Variants in TAFA1 observed in about 807,000 individuals in gnomAD.
TAFA1 encodes the protein chemokine-like protein TAFA-1.
Under a neutral mutation model 18.5 loss-of-function variants are expected in TAFA1, and 4 were observed. The ratio of observed to expected loss-of-function variants is 0.22; its 90% CI spans 0.11 to 0.49. TAFA1 has a LOEUF of 0.49. TAFA1 is among the 20% of genes least tolerant of loss of function. TAFA1 has a pLI of 0.98. For synonymous variants in TAFA1, 56 were observed against 55.2 expected, an observed-to-expected ratio of 1.01 and a Z score of -0.06; for missense variants, 147 against 169.0, an observed-to-expected ratio of 0.87 and a Z score of 0.72.
intron 2 of TAFA1, among the ~76,000 whole-genome samples, chr3:68,157,011 A>G (rs1223430084): frequency 6.6e-6 from 1 of 152,124 alleles, no homozygotes; most frequent in African/African-American, 2.4e-5. Context: ...GTTCTTTCTG[A>G]CAATATTAAC....
intron 2 of TAFA1, among the ~76,000 whole-genome samples, chr3:68,143,716 C>A (rs897498381): frequency 1.3e-5 from 2 of 152,132 alleles, no homozygotes; most frequent in Non-Finnish European, 2.9e-5. Flanking sequence ...TGAGCCAAAC[C>A]AAGAGTAACA....
At chr3:68,185,380 G>A (rs1265440995) in intron 2 of TAFA1, among the ~76,000 whole-genome samples, 1 of 152,054 alleles carries the variant, frequency 6.6e-6, no homozygotes, top group Non-Finnish European at 1.5e-5. Flanking sequence ...TATGTAAGGA[G>A]GTAGAAGGGA....
chr3:68,216,617 A>G (rs1165006114), intron 2 of TAFA1, among the ~76,000 whole-genome samples: 1 of 152,102 alleles, frequency 6.6e-6, no homozygotes, highest in African/African-American at 2.4e-5. Context: ...TGCCCAGATC[A>G]TAGTTTCCAA....
chr3:68,206,733 A>G (rs1272136130), intron 2 of TAFA1, among the ~76,000 whole-genome samples: 1 of 151,964 alleles, frequency 6.6e-6, no homozygotes, highest in Non-Finnish European at 1.5e-5. Context: ...TTCACATTCT[A>G]TCATCTTAAT....
intron 2 of TAFA1, among the ~76,000 whole-genome samples, chr3:68,364,717 T>C (rs1006337542): frequency 2.0e-5 from 3 of 152,168 alleles, no homozygotes; most frequent in Admixed American, 6.5e-5. Flanking sequence ...ACTGAAATAA[T>C]TAACATAACT....
intron 2 of TAFA1, among the ~76,000 whole-genome samples, chr3:68,376,901 G>A (rs1237314987): frequency 6.6e-6 from 1 of 152,110 alleles, no homozygotes; most frequent in African/African-American, 2.4e-5. Context: ...TAGTGAGTGA[G>A]TTCTCATGAG....
In TAFA1 at chr3:68,438,797, G is replaced by A. The variant is rs115987570; in HGVS notation, c.259+21377G>A. 9.9e-3 allele frequency among the ~76,000 whole-genome samples: 1,500 copies of A among 152,216 alleles called. 34 individuals are homozygous for A. The highest frequency in any genetic ancestry group is 0.035 in the African/African-American group (1,440 of 41,566). On this transcript the variant is annotated intron_variant, in intron 3 of 4. Transcript: ENST00000478136. ...TTAGCACCACTTTGGTGACACCAAA[G>A]TTTATGGCTTGCATCTTCTGGGGAG...
At chr3:68,395,845 AC>A (rs1258799368) in intron 2 of TAFA1, among the ~76,000 whole-genome samples, 1 of 152,102 alleles carries the variant, frequency 6.6e-6, no homozygotes, top group East Asian at 1.9e-4. Context: ...TAGGAGAAAT[AC>A]CTAATGTAGA....
chr3:68,147,268 C>T (rs1445970470), intron 2 of TAFA1, among the ~76,000 whole-genome samples: 1 of 151,866 alleles, frequency 6.6e-6, no homozygotes, highest in East Asian at 1.9e-4. Context: ...ACTCCAGGGC[C>T]AGGTATCAGG....
At chr3:68,125,705 C>T (rs748871544) in intron 2 of TAFA1, among the ~76,000 whole-genome samples, 65 of 152,190 alleles carry the variant, frequency 4.3e-4, no homozygotes, top group Non-Finnish European at 9.0e-4. Flanking sequence ...CCTCAGCTCA[C>T]CCCTCATTTT....
intron 2 of TAFA1, among the ~76,000 whole-genome samples, chr3:68,344,735 T>C (rs77400531): frequency 3.3e-5 from 5 of 152,006 alleles, no homozygotes; most frequent in Non-Finnish European, 7.4e-5. Flanking sequence ...TAGTTATAAA[T>C]ATCTACACAG....
chr3:68,091,262 A>C (rs1314575004), intron 2 of TAFA1, among the ~76,000 whole-genome samples: 2 of 152,208 alleles, frequency 1.3e-5, no homozygotes, highest in African/African-American at 4.8e-5. Flanking sequence ...ATCTGAAACA[A>C]GTAGTCTAAT....
At chr3:68,056,034 C>T (rs1435475643) in intron 2 of TAFA1, among the ~76,000 whole-genome samples, 1 of 152,166 alleles carries the variant, frequency 6.6e-6, no homozygotes, top group South Asian at 2.1e-4. Flanking sequence ...CTTGGTCCAA[C>T]TATCCAATTC....
chr3:68,276,953 A>G (rs1029625542), intron 2 of TAFA1, among the ~76,000 whole-genome samples: 13 of 152,180 alleles, frequency 8.5e-5, no homozygotes, highest in African/African-American at 2.7e-4. Context: ...TTCAAAGAAT[A>G]TAGTCAAGTA....
At chr3:68,018,165 A>G (rs1704606629) in intron 2 of TAFA1, among the ~76,000 whole-genome samples, 1 of 152,198 alleles carries the variant, frequency 6.6e-6, no homozygotes, top group Non-Finnish European at 1.5e-5. Flanking sequence ...TACAATCTCA[A>G]GGCTGCCTTA....
the TAFA1 span, among the ~76,000 whole-genome samples, chr3:67,997,884 G>T: frequency 6.6e-6 from 1 of 152,016 alleles, no homozygotes; most frequent in Admixed American, 6.5e-5. Flanking sequence ...GTGAATGGAA[G>T]TTGAATATTT....
intron 2 of TAFA1, among the ~76,000 whole-genome samples, chr3:68,174,804 A>G (rs555146277): frequency 4.6e-5 from 7 of 152,338 alleles, no homozygotes; most frequent in Admixed American, 3.9e-4. Context: ...CATAAGTAAC[A>G]AGGAACCCAA....
At chr3:68,100,494 A>C (rs542895516) in intron 2 of TAFA1, among the ~76,000 whole-genome samples, 1 of 152,280 alleles carries the variant, frequency 6.6e-6, no homozygotes, top group Admixed American at 6.5e-5. Context: ...CATGGCCACC[A>C]GATTGGTCTT....
At chr3:68,271,521 A>C (rs774163500) in intron 2 of TAFA1, among the ~76,000 whole-genome samples, 9 of 152,182 alleles carry the variant, frequency 5.9e-5, no homozygotes, top group Non-Finnish European at 1.3e-4. Context: ...TTGGGTGGGA[A>C]AAACAGCGAT....
Sources: allele counts gnomAD v4.1 joint callset (sites outside exome capture counted in the v4.1 genomes callset), GRCh38; gene constraint gnomAD v4.1.1; transcripts MANE v1.5; gene names NCBI Gene and HGNC (gene_info 2026-07-23, HGNC 2026-07-21).